Variants in BST1 observed in about 807,000 individuals in gnomAD.
The protein encoded by BST1 is ADP-ribosyl cyclase/cyclic ADP-ribose hydrolase 2.
Under a neutral mutation model 40.6 loss-of-function variants are expected in BST1, and 49 were observed. The observed-to-expected ratio is 1.21, with a 90% CI of 0.96 to 1.53. The LOEUF is 1.53. BST1 is among the 40% of genes most tolerant of loss of function. The pLI, the probability that BST1 is intolerant of heterozygous loss-of-function variation, is 0.00. For missense variants in BST1, 423 were observed against 395.9 expected, an observed-to-expected ratio of 1.07 and a Z score of -0.58; for synonymous variants, 157 against 159.3, an observed-to-expected ratio of 0.99 and a Z score of 0.11.
chr4:15,747,487 T>C, the BST1 span, among the ~76,000 whole-genome samples: 1 of 152,146 alleles, frequency 6.6e-6, no homozygotes, highest in African/African-American at 2.4e-5. Context: ...CTTCGGAGTT[T>C]TTCCGTGAAG....
At chr4:15,758,517 A>G in the BST1 span, among the ~76,000 whole-genome samples, 2 of 152,216 alleles carry the variant, frequency 1.3e-5, no homozygotes, top group Non-Finnish European at 2.9e-5. Flanking sequence ...CAGCCATAAA[A>G]AAGAATGAAA....
In BST1 at chr4:15,722,894, T is replaced by C. The variant is rs903626137; in HGVS notation, c.811T>C (p.Cys271Arg). 2.5e-6 allele frequency: 4 copies of C among 1,613,714 alleles called. No individual in the cohort carries two copies. Among genetic ancestry groups the C allele is most frequent in the Non-Finnish European group, 3.4e-6 (4 of 1,179,776 alleles). Residue 271 changes from cysteine to arginine, a missense_variant, in exon 8 of 9, where the codon TGC becomes CGC. Transcript: ENST00000265016. ...NDYRPVKLLQ[C>R]VDHSTHPDCA... The stretch of plus-strand genomic sequence containing the variant: ...CTGTAGACCAGTGAAGCTCTTACAG[T>C]GCGTGGACCACAGCACCCATCCTGA...
downstream of BST1, among the ~76,000 whole-genome samples, chr4:15,742,008 C>T (rs115852251): frequency 3.3e-3 from 504 of 152,276 alleles, 4 homozygotes; most frequent in African/African-American, 0.011. Context: ...ACAAATAAAA[C>T]TCCATTTTAT....
the BST1 span, among the ~76,000 whole-genome samples, chr4:15,768,480 C>CTTTT: frequency 3.7e-4 from 34 of 91,082 alleles, 1 homozygote; most frequent in African/African-American, 5.4e-4. Context: ...TGGACAGTAT[C>CTTTT]TTTTTTTTTT....
At chr4:15,751,352 A>G in the BST1 span, among the ~76,000 whole-genome samples, 1 of 152,180 alleles carries the variant, frequency 6.6e-6, no homozygotes, top group Admixed American at 6.5e-5. Context: ...CTGGAGTCAC[A>G]TGACCACCAT....
At chr4:15,718,821 C>G (rs1577581723) in intron 6 of BST1, 86 bp from the exon 7 acceptor site, 2 of 1,180,916 alleles carry the variant, frequency 1.7e-6, no homozygotes, top group South Asian at 2.9e-5. Context: ...AGCACATGGT[C>G]AAAAGAAATT....
chr4:15,713,511 G>T (rs1193628196), intron 4 of BST1, among the ~76,000 whole-genome samples: 1 of 151,930 alleles, frequency 6.6e-6, no homozygotes, highest in Non-Finnish European at 1.5e-5. Flanking sequence ...TGACAATTCT[G>T]TGAGGCAGAG....
chr4:15,769,879 G>A, the BST1 span, among the ~76,000 whole-genome samples: 10 of 151,292 alleles, frequency 6.6e-5, no homozygotes, highest in East Asian at 1.9e-4. Context: ...TCCCTCTGTC[G>A]CCCAGGCTGG....
rs117372437 is a variant in BST1, at chr4:15,709,204, C to T, written c.451+1558C>T. Among the ~76,000 whole-genome samples the T allele has an allele frequency of 2.8e-3, 423 of 152,056 alleles. 5 individuals carry two copies. Among genetic ancestry groups the T allele is most frequent in the East Asian group, 0.024 (122 of 5,170 alleles). On this transcript the variant is annotated intron_variant, in intron 3 of 8. Transcript: ENST00000265016. ...AAGTGTTGCATTTTTACCTAGATGC[C>T]GAGGGAAAACCTCACTGATAAGCTG...
Position 15,703,206 on chromosome 4 carries a change from T to C in BST1, c.62T>C (p.Leu21Pro), listed in dbSNP as rs1719638461. 4 of 1,554,176 alleles carry C rather than the reference T, an allele frequency of 2.6e-6. No individual in the cohort carries two copies. Among genetic ancestry groups the C allele is most frequent in the Non-Finnish European group, 3.5e-6 (4 of 1,150,384 alleles). The change falls in exon 1 of 9, where the codon CTA becomes CCA. Residue 21 changes from leucine to proline, a missense_variant. Coordinates refer to ENST00000265016, the MANE Select transcript of BST1 (RefSeq NM_004334.3). The stretch of plus-strand genomic sequence containing the variant: ...CAGCTGCTGCTGCAGCTTCTGCTTC[T>C]ACTGTTGCTGCTGGCGGCGGGCGGG... ...LLQLLLQLLLLLLLLAAGGAR... is the reference protein window; with the variant it reads ...LLQLLLQLLLPLLLLAAGGAR...
chr4:15,761,928 G>C, the BST1 span, among the ~76,000 whole-genome samples: 2 of 151,704 alleles, frequency 1.3e-5, 1 homozygote, highest in African/African-American at 4.9e-5. Context: ...GGCCGGGCGC[G>C]GTGGCTCATG....
chr4:15,771,544 A>G, the BST1 span, among the ~76,000 whole-genome samples: 5 of 152,264 alleles, frequency 3.3e-5, no homozygotes, highest in African/African-American at 1.2e-4. Flanking sequence ...TCACAGAAAG[A>G]GAAACTAACA....
At chr4:15,745,667 A>T in the BST1 span, among the ~76,000 whole-genome samples, 2 of 152,186 alleles carry the variant, frequency 1.3e-5, no homozygotes, top group African/African-American at 4.8e-5. Flanking sequence ...TGCCTTCAAA[A>T]TCCAGAGAAA....
downstream of BST1, among the ~76,000 whole-genome samples, chr4:15,740,969 G>C (rs1807250): frequency 0.11 from 17,052 of 151,566 alleles, 1,955 homozygotes; most frequent in African/African-American, 0.29. Flanking sequence ...TTCATTATCC[G>C]TCATGAACCG....
chr4:15,711,510 C>G (rs1720203353), intron 3 of BST1, among the ~76,000 whole-genome samples: 1 of 152,150 alleles, frequency 6.6e-6, no homozygotes, highest in South Asian at 2.1e-4. Flanking sequence ...AATAACCCAG[C>G]TAATACACTG....
At chr4:15,749,898 A>G in the BST1 span, among the ~76,000 whole-genome samples, 2 of 141,502 alleles carry the variant, frequency 1.4e-5, no homozygotes, top group South Asian at 2.3e-4. Context: ...TAGTCACCCT[A>G]TTGTGTTATC....
chr4:15,704,256 G>T (rs927691875), intron 1 of BST1, among the ~76,000 whole-genome samples: 2 of 149,508 alleles, frequency 1.3e-5, no homozygotes, highest in African/African-American at 4.9e-5. Context: ...GAGATGAGGT[G>T]TGTATGTGTG....
chr4:15,757,286 C>CT, the BST1 span, among the ~76,000 whole-genome samples: 1 of 152,146 alleles, frequency 6.6e-6, no homozygotes, highest in East Asian at 1.9e-4. Context: ...TTAAACATAG[C>CT]TTTTTTTCTT....
At chr4:15,720,030 G>C (rs543284408) in intron 7 of BST1, among the ~76,000 whole-genome samples, 2 of 152,166 alleles carry the variant, frequency 1.3e-5, no homozygotes, top group Non-Finnish European at 2.9e-5. Context: ...GAGTACACAG[G>C]TGGATGAAGT....
Sources: gnomAD v4.1 joint callset for allele counts (sites outside exome capture counted in the v4.1 genomes callset) on GRCh38, gnomAD v4.1.1 for gene constraint, MANE v1.5 for transcripts, NCBI Gene and HGNC (gene_info 2026-07-23, HGNC 2026-07-21) for gene names.